PLXDC2: variants seen among roughly 807,000 people sequenced by gnomAD.
The protein encoded by PLXDC2 is plexin domain-containing protein 2.
Under a neutral mutation model 68.9 loss-of-function variants are expected in PLXDC2, and 40 were observed. That is an observed-to-expected ratio of 0.58 (90% CI 0.45 to 0.76). PLXDC2 has a LOEUF of 0.76. PLXDC2 is among the 30% of genes least tolerant of loss of function. The pLI is 0.00. For missense variants in PLXDC2, 644 were observed against 661.9 expected, an observed-to-expected ratio of 0.97 and a Z score of 0.30; for synonymous variants, 243 against 234.2, an observed-to-expected ratio of 1.04 and a Z score of -0.34.
chr10:19,930,690 G>A (rs185660675), intron 1 of PLXDC2, among the ~76,000 whole-genome samples: 162 of 152,200 alleles, frequency 1.1e-3, no homozygotes, highest in African/African-American at 2.8e-3. Context: ...AGGCTGGCAC[G>A]GTGGCTCACA....
chr10:19,833,336 A>C (rs373426816), intron 1 of PLXDC2, among the ~76,000 whole-genome samples: 2 of 152,344 alleles, frequency 1.3e-5, no homozygotes, highest in South Asian at 2.1e-4. Context: ...GCAGTGCTGC[A>C]ATTAACTAGA....
chr10:20,077,015 A>G (rs1836463550), intron 4 of PLXDC2, among the ~76,000 whole-genome samples: 1 of 152,174 alleles, frequency 6.6e-6, no homozygotes, highest in Non-Finnish European at 1.5e-5. Flanking sequence ...TCAGTACGAC[A>G]TATATATTAT....
At chr10:19,952,278 T>C (rs1046570305) in intron 1 of PLXDC2, among the ~76,000 whole-genome samples, 1 of 152,238 alleles carries the variant, frequency 6.6e-6, no homozygotes, top group African/African-American at 2.4e-5. Flanking sequence ...TCCGCTTGGC[T>C]ACTTAACAGC....
chr10:19,832,276 C>T (rs922797039), intron 1 of PLXDC2, among the ~76,000 whole-genome samples: 2 of 152,168 alleles, frequency 1.3e-5, no homozygotes, highest in Admixed American at 1.3e-4. Context: ...TTGAATAGCC[C>T]ACAAAGGTCT....
At chr10:19,884,356 AT>A (rs553918405) in intron 1 of PLXDC2, among the ~76,000 whole-genome samples, 15 of 151,708 alleles carry the variant, frequency 9.9e-5, no homozygotes, top group African/African-American at 2.2e-4. Flanking sequence ...CATAAATGAG[AT>A]TTTTTTTTAT....
At chr10:19,931,718 C>T (rs1331490228) in intron 1 of PLXDC2, among the ~76,000 whole-genome samples, 1 of 152,158 alleles carries the variant, frequency 6.6e-6, no homozygotes, top group Non-Finnish European at 1.5e-5. Context: ...TCCTGCCCCA[C>T]AGGAGCATCA....
chr10:20,047,782 A>C (rs1835822275), intron 3 of PLXDC2, among the ~76,000 whole-genome samples: 1 of 152,160 alleles, frequency 6.6e-6, no homozygotes, highest in African/African-American at 2.4e-5. Flanking sequence ...CATTGCAGAT[A>C]AGAGAACGGA....
At chr10:20,231,715 A>T (rs764933676) in intron 12 of PLXDC2, among the ~76,000 whole-genome samples, 8 of 152,058 alleles carry the variant, frequency 5.3e-5, no homozygotes, top group Non-Finnish European at 1.0e-4. Flanking sequence ...AATTATAAAC[A>T]TCAAAATTCA....
intron 2 of PLXDC2, among the ~76,000 whole-genome samples, chr10:20,033,893 C>T (rs1030130523): frequency 6.6e-6 from 1 of 152,194 alleles, no homozygotes; most frequent in Admixed American, 6.5e-5. Flanking sequence ...TTTCTCTTCA[C>T]ATGTTCATCG....
intron 1 of PLXDC2, among the ~76,000 whole-genome samples, chr10:19,955,264 C>A (rs1337444195): frequency 6.6e-6 from 1 of 151,082 alleles, no homozygotes; most frequent in African/African-American, 2.4e-5. Flanking sequence ...AAACTCCTGG[C>A]CTCAAGGGAT....
intron 1 of PLXDC2, among the ~76,000 whole-genome samples, chr10:19,923,870 C>G (rs1458214422): frequency 6.6e-6 from 1 of 152,150 alleles, no homozygotes; most frequent in African/African-American, 2.4e-5. Context: ...TCAAGACCAG[C>G]TTGGGCATCA....
chr10:20,278,778 T>C (rs144095937), intron 13 of PLXDC2, among the ~76,000 whole-genome samples: 1 of 152,312 alleles, frequency 6.6e-6, no homozygotes, highest in African/African-American at 2.4e-5. Context: ...TACATTAGAA[T>C]TCTTTAGATA....
chr10:20,209,379 C>A (rs1156669363), intron 9 of PLXDC2, among the ~76,000 whole-genome samples: 2 of 151,676 alleles, frequency 1.3e-5, no homozygotes, highest in Non-Finnish European at 2.9e-5. Context: ...CACACCGGGG[C>A]CTGTTGTGGG....
At chr10:20,130,356 T>G (rs896807023) in intron 4 of PLXDC2, among the ~76,000 whole-genome samples, 1 of 152,170 alleles carries the variant, frequency 6.6e-6, no homozygotes, top group Admixed American at 6.5e-5. Flanking sequence ...TTATTGTGTA[T>G]CTTGTACTTT....
At chr10:20,219,772 A>G (rs1835186244) in intron 12 of PLXDC2, among the ~76,000 whole-genome samples, 1 of 152,150 alleles carries the variant, frequency 6.6e-6, no homozygotes, top group African/African-American at 2.4e-5. Flanking sequence ...TTTCATTAGT[A>G]ATTGTTTATT....
chr10:20,220,838 CT>C (rs4026632), intron 12 of PLXDC2, among the ~76,000 whole-genome samples: 10,971 of 116,302 alleles, frequency 0.094, 529 homozygotes, highest in African/African-American at 0.2. Context: ...GCTCTTAACA[CT>C]TTTTTTTTTT....
intron 12 of PLXDC2, among the ~76,000 whole-genome samples, chr10:20,222,779 G>A (rs11011886): frequency 0.45 from 68,500 of 151,810 alleles, 17,712 homozygotes; most frequent in Middle Eastern, 0.65. Context: ...TATGAGCCCA[G>A]GAGCTCAAGG....
intron 1 of PLXDC2, among the ~76,000 whole-genome samples, chr10:19,914,432 G>A (rs1833330951): frequency 6.6e-6 from 1 of 152,080 alleles, no homozygotes; most frequent in Admixed American, 6.6e-5. Context: ...AAGTTACTTA[G>A]AATCTGCATT....
At chr10:20,041,112 A>G (rs1015118789) in intron 2 of PLXDC2, among the ~76,000 whole-genome samples, 3 of 152,202 alleles carry the variant, frequency 2.0e-5, no homozygotes, top group African/African-American at 7.2e-5. Context: ...CTCTTCCCAT[A>G]GATAACCACA....
Sources: gnomAD v4.1 joint callset for allele counts (sites outside exome capture counted in the v4.1 genomes callset) on GRCh38, gnomAD v4.1.1 for gene constraint, MANE v1.5 for transcripts, NCBI Gene and HGNC (gene_info 2026-07-23, HGNC 2026-07-21) for gene names.